The following TTC28 variants were observed in gnomAD, a reference collection of about 807,000 sequenced individuals.
TTC28 encodes the protein tetratricopeptide repeat protein 28.
In TTC28, 61 loss-of-function variants were observed where a neutral mutation model predicts 198.0. That is an observed-to-expected ratio of 0.31 (90% CI 0.25 to 0.38). The LOEUF (loss-of-function observed/expected upper bound fraction) is 0.38. TTC28 is among the 10% of genes least tolerant of loss of function. The pLI is 1.00. For missense variants in TTC28, 2,678 were observed against 3,164.0 expected, an observed-to-expected ratio of 0.85 and a Z score of 3.69; for synonymous variants, 1,171 against 1,297.8, an observed-to-expected ratio of 0.90 and a Z score of 2.10.
chr22:28,336,190 T>A lies in TTC28; in HGVS notation c.382-29547A>T, dbSNP rs567706110. ...AGCCTTGCATCCCAGGGATGAAGCC[T>A]GCTTGATCGTGGTGTATAAGCTTGT... is the stretch of plus-strand genomic sequence containing the variant. On this transcript the variant is annotated intron_variant, in intron 2 of 22. Coordinates refer to ENST00000397906, the MANE Select transcript of TTC28 (RefSeq NM_001145418.2). 1.4e-3 allele frequency among the ~76,000 whole-genome samples: 218 copies of A among 152,292 alleles called. 1 individual carries two copies. Among genetic ancestry groups the A allele is most frequent in the African/African-American group, 4.9e-3 (203 of 41,574 alleles).
chr22:28,434,084 T>C (rs904937908), intron 2 of TTC28, among the ~76,000 whole-genome samples: 2 of 152,158 alleles, frequency 1.3e-5, no homozygotes, highest in African/African-American at 2.4e-5. Flanking sequence ...AATAAGTAGA[T>C]AGTTGATGAA....
intron 6 of TTC28, among the ~76,000 whole-genome samples, chr22:28,118,071 C>G (rs2146931357): frequency 6.6e-6 from 1 of 152,188 alleles, no homozygotes; most frequent in East Asian, 1.9e-4. Context: ...TATACAACTA[C>G]TATGTATCCA....
intron 5 of TTC28, among the ~76,000 whole-genome samples, chr22:28,210,688 G>A (rs1226785413): frequency 6.6e-6 from 1 of 152,170 alleles, no homozygotes; most frequent in Non-Finnish European, 1.5e-5. Flanking sequence ...GTGACGGGGA[G>A]AATGGAACCA....
chr22:28,458,447 A>C (rs1426311551), intron 2 of TTC28, among the ~76,000 whole-genome samples: 3 of 152,230 alleles, frequency 2.0e-5, no homozygotes, highest in Non-Finnish European at 4.4e-5. Flanking sequence ...CTACTTTTCA[A>C]CAACTTCCTA....
chr22:28,096,555 A>G (rs1941980514), intron 10 of TTC28, 147 bp from the exon 11 acceptor site: 1 of 860,984 alleles, frequency 1.2e-6, no homozygotes, highest in African/African-American at 1.7e-5. Context: ...ACTGCTTCAG[A>G]TTCAATTCCC....
intron 5 of TTC28, among the ~76,000 whole-genome samples, chr22:28,219,506 A>T (rs1037850782): frequency 2.5e-4 from 36 of 145,750 alleles, no homozygotes; most frequent in Non-Finnish European, 4.6e-4. Flanking sequence ...AGACTTTGTT[A>T]AAAAAAAAAA....
intron 2 of TTC28, among the ~76,000 whole-genome samples, chr22:28,497,599 G>A (rs1012789963): frequency 3.3e-5 from 5 of 152,098 alleles, no homozygotes; most frequent in Admixed American, 3.3e-4. Flanking sequence ...TGATTCTAAT[G>A]TACAGCCAGA....
intron 2 of TTC28, among the ~76,000 whole-genome samples, chr22:28,443,509 T>C (rs2047656576): frequency 6.6e-6 from 1 of 152,196 alleles, no homozygotes; most frequent in African/African-American, 2.4e-5. Context: ...TCTGCCCTTC[T>C]CGAAATGCCT....
At chr22:28,448,040 T>C (rs952464854) in intron 2 of TTC28, among the ~76,000 whole-genome samples, 2 of 152,218 alleles carry the variant, frequency 1.3e-5, no homozygotes, top group African/African-American at 4.8e-5. Context: ...ATTGTATCAA[T>C]ATTTTTTCAT....
At chr22:28,674,276 T>C (rs1343176011) in intron 1 of TTC28, among the ~76,000 whole-genome samples, 1 of 150,700 alleles carries the variant, frequency 6.6e-6, no homozygotes, top group Non-Finnish European at 1.5e-5. Context: ...TTTTTTTTTT[T>C]TTTTTTTTTG....
At position 27,981,269 on chromosome 22, in the gene TTC28, C is replaced by CTTTTTTTTTTTTT. The variant is rs71316829; in HGVS notation, c.*951_*952insAAAAAAAAAAAAA. On this transcript the variant is annotated 3_prime_UTR_variant, in exon 23 of 23. Transcript: ENST00000397906. Reference sequence around the variant, plus strand: ...TTTTTTTTTTTTTTTTTTTTTTTTGCTTATAAGGAAACGGAGTCATTTCAA... The same window carrying CTTTTTTTTTTTTT: ...TTTTTTTTTTTTTTTTTTTTTTTTGCTTTTTTTTTTTTTTTATAAGGAAACGGAGTCATTTCAA... 5.5e-5 allele frequency: 2 copies of CTTTTTTTTTTTTT among 36,380 alleles called. No individual in the cohort carries two copies. The highest frequency in any genetic ancestry group is 1.1e-4 in the Non-Finnish European group (2 of 18,702). 2.3% of individuals were successfully genotyped at this position (36,380 alleles called of 1,614,324 possible).
At chr22:28,606,286 T>C (rs1279858852) in intron 2 of TTC28, among the ~76,000 whole-genome samples, 1 of 152,002 alleles carries the variant, frequency 6.6e-6, no homozygotes, top group African/African-American at 2.4e-5. Context: ...AGATGGGGTT[T>C]CACCATGTTG....
intron 12 of TTC28, among the ~76,000 whole-genome samples, chr22:28,086,899 T>C (rs1941625252): frequency 6.6e-6 from 1 of 151,984 alleles, no homozygotes; most frequent in Non-Finnish European, 1.5e-5. Context: ...GCAAATAAAC[T>C]AGAAAATCTA....
At chr22:28,449,300 A>G (rs2047744294) in intron 2 of TTC28, among the ~76,000 whole-genome samples, 1 of 152,258 alleles carries the variant, frequency 6.6e-6, no homozygotes, top group Non-Finnish European at 1.5e-5. Flanking sequence ...CATGAGCTAC[A>G]TTAGCAAGCA....
chr22:28,410,084 G>C (rs1407271403), intron 2 of TTC28, among the ~76,000 whole-genome samples: 3 of 151,662 alleles, frequency 2.0e-5, no homozygotes, highest in African/African-American at 7.3e-5. Context: ...ATCACAACCG[G>C]TTGATTTTTG....
rs993200748 is a variant in TTC28 at position 28,641,403 on chromosome 22, G to A, written c.103-11573C>T. 4.6e-5 allele frequency among the ~76,000 whole-genome samples: 7 copies of A among 152,012 alleles called. No individual in the cohort carries two copies. The East Asian group carries it at 1.2e-3, about 25-fold the overall frequency. On this transcript the variant is annotated intron_variant, in intron 1 of 22. Coordinates refer to ENST00000397906, the MANE Select transcript of TTC28 (RefSeq NM_001145418.2). ...AAAAATATTATGTTAAGTGCAAGAA[G>A]CAAGTCACAAAAGGCCATATACTGT... is the stretch of plus-strand genomic sequence containing the variant.
At chr22:28,288,859 A>G (rs2044736739) in intron 5 of TTC28, among the ~76,000 whole-genome samples, 1 of 152,098 alleles carries the variant, frequency 6.6e-6, no homozygotes, top group Non-Finnish European at 1.5e-5. Context: ...ATGGTAATAA[A>G]TGGCAGAGCC....
At chr22:28,177,346 C>G (rs556902978) in intron 5 of TTC28, among the ~76,000 whole-genome samples, 2 of 152,236 alleles carry the variant, frequency 1.3e-5, no homozygotes, top group South Asian at 2.1e-4. Flanking sequence ...TCCAAAAGAA[C>G]TGACAATATC....
At chr22:28,591,080 T>TTG in intron 2 of TTC28, among the ~76,000 whole-genome samples, 1 of 118,052 alleles carries the variant, frequency 8.5e-6, no homozygotes, top group South Asian at 2.8e-4. Context: ...TATATATATA[T>TTG]ATATAGGAAT....
Sources: gnomAD v4.1 joint callset for allele counts (sites outside exome capture counted in the v4.1 genomes callset) on GRCh38, gnomAD v4.1.1 for gene constraint, MANE v1.5 for transcripts, NCBI Gene and HGNC (gene_info 2026-07-23, HGNC 2026-07-21) for gene names.